ARID3A: variants seen among roughly 807,000 people sequenced by gnomAD.
ARID3A encodes the protein AT-rich interaction domain 3A, also known as AT-rich interactive domain-containing protein 3A.
In ARID3A, 11 loss-of-function variants were observed where a neutral mutation model predicts 52.7. The observed-to-expected ratio is 0.21, with a 90% CI of 0.13 to 0.35. The LOEUF (loss-of-function observed/expected upper bound fraction) is 0.35, where lower values mean the gene tolerates loss of function less well. Ranked by LOEUF, ARID3A falls within the 10% of genes least tolerant of loss-of-function variation. The pLI, the probability that ARID3A is intolerant of heterozygous loss-of-function variation, is 1.00. For missense variants in ARID3A, 721 were observed against 838.5 expected, an observed-to-expected ratio of 0.86 and a Z score of 1.73; for synonymous variants, 404 against 359.4, an observed-to-expected ratio of 1.12 and a Z score of -1.40.
intron 2 of ARID3A, among the ~76,000 whole-genome samples, chr19:932,107 C>G (rs983595805): frequency 6.6e-6 from 1 of 152,108 alleles, no homozygotes; most frequent in African/African-American, 2.4e-5. Flanking sequence ...GGGATCCTCC[C>G]GCCTTGGCCT....
Position 974,483 on chromosome 19 carries a change from C to G in ARID3A, c.*2418C>G, listed in dbSNP as rs935377013. The G allele has an allele frequency of 8.7e-6, 2 of 230,926 alleles. No homozygotes were observed. Among genetic ancestry groups the G allele is most frequent in the African/African-American group, 4.4e-5 (2 of 45,164 alleles). The allele number at this position is 230,926 out of a possible 1,614,324, so 14.3% of individuals were successfully genotyped here. ...CCTCTCCCGGGACCCCCGTCCCACGCCTGGGCCCCGCGCCGGGGGAAGCGC... is the reference window on the plus strand; with the variant it reads ...CCTCTCCCGGGACCCCCGTCCCACGGCTGGGCCCCGCGCCGGGGGAAGCGC... On this transcript the variant is annotated 3_prime_UTR_variant, in exon 9 of 9. Transcript: ENST00000263620.
Position 964,572 on chromosome 19 carries a change from C to T in ARID3A, c.950+141C>T, listed in dbSNP as rs1358514368. On this transcript the variant is annotated intron_variant, in intron 5 of 8. Transcript: ENST00000263620. This position sits in a 1 kb window ranked among gnomAD's most constrained non-coding sequence, Gnocchi z 5.7. ...AGCCGCAAAGGGCACAGGGCCACACCGTGCGTCCAGGGCCCGAGAGCGTCA... is the reference window on the plus strand; with the variant it reads ...AGCCGCAAAGGGCACAGGGCCACACTGTGCGTCCAGGGCCCGAGAGCGTCA... The T allele has an allele frequency of 1.1e-5, 14 of 1,264,338 alleles. No homozygotes were observed. The highest frequency in any genetic ancestry group is 4.6e-5 in the South Asian group (3 of 65,664). The allele number at this position is 1,264,338 out of a possible 1,614,324, so 78.3% of individuals were successfully genotyped here.
intron 3 of ARID3A, among the ~76,000 whole-genome samples, chr19:951,981 TA>T (rs879676780): frequency 9.4e-5 from 14 of 148,712 alleles, no homozygotes; most frequent in Non-Finnish European, 1.6e-4. Flanking sequence ...GCAAAAAATT[TA>T]AAAAAAAAAT....
chr19:926,777 C>T (rs1416580323), intron 1 of ARID3A, among the ~76,000 whole-genome samples: 2 of 151,524 alleles, frequency 1.3e-5, no homozygotes, highest in Non-Finnish European at 2.9e-5. Flanking sequence ...CAAAAGCGGG[C>T]GCAGGAAGCG....
chr19:966,020 G>T (rs566181624), intron 6 of ARID3A, among the ~76,000 whole-genome samples: 1 of 150,898 alleles, frequency 6.6e-6, no homozygotes, highest in South Asian at 2.1e-4. Flanking sequence ...AATTAGCTTA[G>T]TGTGGTGGTG....
At chr19:963,594 C>G (rs1029932672) in intron 4 of ARID3A, among the ~76,000 whole-genome samples, 6 of 152,104 alleles carry the variant, frequency 3.9e-5, no homozygotes, top group Admixed American at 6.5e-5. Flanking sequence ...GGGGCAGGAA[C>G]CTGAGTCAGC....
intron 3 of ARID3A, among the ~76,000 whole-genome samples, chr19:945,814 G>T (rs2037667133): frequency 6.6e-6 from 1 of 152,194 alleles, no homozygotes; most frequent in Non-Finnish European, 1.5e-5. Context: ...TGCTGGTGCT[G>T]GGCTGCGTTT....
chr19:928,073 T>C (rs350143), intron 1 of ARID3A, among the ~76,000 whole-genome samples: 109,955 of 151,752 alleles, frequency 0.72, 39,984 homozygotes, highest in African/African-American at 0.77. Flanking sequence ...GTCCCAGGGG[T>C]CCCTGCCTCC....
Position 932,781 on chromosome 19 carries a change from C to T in ARID3A, c.693+39C>T, listed in dbSNP as rs746828841. On this transcript the variant is annotated intron_variant, in intron 3 of 8. Coordinates refer to ENST00000263620, the MANE Select transcript of ARID3A (RefSeq NM_005224.3). Reference sequence around the variant, plus strand: ...TCCCGCGTGGCGGCTGAGGCACCTGCTCCTGGGCCAGTGGGGCCCTTTGAA... The same window carrying T: ...TCCCGCGTGGCGGCTGAGGCACCTGTTCCTGGGCCAGTGGGGCCCTTTGAA... 7.1e-6 allele frequency: 11 copies of T among 1,545,144 alleles called. No homozygotes were observed. The South Asian group carries it at 1.2e-4, about 17-fold the overall frequency.
rs568574861 is a variant in ARID3A, at chr19:942,829, C to G, written c.693+10087C>G. Among the ~76,000 whole-genome samples, 1 of 152,206 alleles carries G rather than the reference C, an allele frequency of 6.6e-6. No individual in the cohort carries two copies. The highest frequency in any genetic ancestry group is 2.4e-5 in the African/African-American group (1 of 41,456). Reference sequence around the variant, plus strand: ...TGAGAGCAAGTAAGAACCCGCCTTCCGGGAGGAGCCCCGTCTGGATTGGAT... The same window carrying G: ...TGAGAGCAAGTAAGAACCCGCCTTCGGGGAGGAGCCCCGTCTGGATTGGAT... On this transcript the variant is annotated intron_variant, in intron 3 of 8. Transcript: ENST00000263620. This position sits in a 1 kb window ranked among gnomAD's most constrained non-coding sequence, Gnocchi z 8.1.
chr19:967,770 C>T (rs772265507), intron 7 of ARID3A, among the ~76,000 whole-genome samples: 8 of 152,212 alleles, frequency 5.3e-5, no homozygotes, highest in East Asian at 1.9e-4. Flanking sequence ...TTTGGTCGGG[C>T]GCGGTGGCCC....
intron 8 of ARID3A, among the ~76,000 whole-genome samples, chr19:969,889 C>T (rs1014671636): frequency 1.3e-5 from 2 of 151,736 alleles, no homozygotes; most frequent in African/African-American, 4.8e-5. Flanking sequence ...GATGAGGTTT[C>T]ACCATGTTGG....
chr19:956,149 G>C (rs2037912212), intron 3 of ARID3A, among the ~76,000 whole-genome samples: 1 of 152,168 alleles, frequency 6.6e-6, no homozygotes. Context: ...TGTGAATTTG[G>C]GTGGGGGATG....
chr19:944,325 G>GGGGTGTGTGT lies in ARID3A; in HGVS notation c.693+11584_693+11585insGGTGTGTGTG, dbSNP rs1555727927. Among the ~76,000 whole-genome samples, 547 of 149,832 alleles carry GGGGTGTGTGT rather than the reference G, an allele frequency of 3.7e-3. 5 individuals carry two copies. Among genetic ancestry groups the GGGGTGTGTGT allele is most frequent in the Middle Eastern group, 0.024 (7 of 288 alleles). On this transcript the variant is annotated intron_variant, in intron 3 of 8. Transcript: ENST00000263620. The surrounding 1 kb of genome is among the most constrained non-coding windows in gnomAD (Gnocchi z 5.9). ...TCTGGCTGCAGGGGCGCGTCCAGGGGGTGTGTGTGTGTGTGTGTGTGTGTC... is the reference window on the plus strand; with the variant it reads ...TCTGGCTGCAGGGGCGCGTCCAGGGGGGGTGTGTGTGTGTGTGTGTGTGTGTGTGTGTGTC...
intron 3 of ARID3A, among the ~76,000 whole-genome samples, 171 bp downstream of exon 3, chr19:932,913 C>CAGCT (rs2145357413): frequency 6.6e-6 from 1 of 152,292 alleles, no homozygotes; most frequent in Non-Finnish European, 1.5e-5. Flanking sequence ...TGGGCTCGAC[C>CAGCT]AGCTGGCTGT....
chr19:929,543 C>A lies in ARID3A; in HGVS notation c.15C>A (p.Ala5=). 1 of 1,519,820 alleles carries A rather than the reference C, an allele frequency of 6.6e-7. No homozygotes were observed. The highest frequency in any genetic ancestry group is 8.8e-7 in the Non-Finnish European group (1 of 1,140,202). 94.1% of individuals were successfully genotyped at this position (1,519,820 alleles called of 1,614,324 possible). A position where few individuals can be genotyped will look rare whatever the true frequency, so the allele number is the denominator to read the frequency against. ...GCCGCAGGGCCATGAAACTACAGGC[C>A]GTGATGGAGACGCTGTTGCAGCGGC... is the stretch of plus-strand genomic sequence containing the variant. MKLQ[A]VMETLLQRQQ... Residue 5 remains alanine (A), a synonymous_variant, in exon 2 of 9, where the codon GCC becomes GCA. Coordinates refer to ENST00000263620, the MANE Select transcript of ARID3A (RefSeq NM_005224.3). This position sits in a 1 kb window ranked among gnomAD's most constrained non-coding sequence, Gnocchi z 6.2.
intron 4 of ARID3A, among the ~76,000 whole-genome samples, chr19:962,727 C>T (rs1374739956): frequency 1.3e-5 from 2 of 151,980 alleles, no homozygotes; most frequent in African/African-American, 4.8e-5. Context: ...ATTGGCCAGG[C>T]TGGTCTCGAA....
intron 2 of ARID3A, among the ~76,000 whole-genome samples, chr19:931,822 A>G (rs1216280302): frequency 6.8e-6 from 1 of 147,254 alleles, no homozygotes; most frequent in Non-Finnish European, 1.5e-5. Context: ...CAAAAAAAAG[A>G]CAAAAAAAAA....
rs761028250 is a variant in ARID3A at position 932,496 on chromosome 19, TGAGGAG to T, written c.459_464del (p.Glu153_Glu154del). On this transcript the variant is annotated inframe_deletion, in exon 3 of 9. Coordinates refer to ENST00000263620, the MANE Select transcript of ARID3A (RefSeq NM_005224.3). ...AGGAGGAGGAGGAGGATTACGAGGATGAGGAGGAGGAGGAGGACGAGGAGGGGCTGG... is the reference window on the plus strand; with the variant it reads ...AGGAGGAGGAGGAGGATTACGAGGATGAGGAGGAGGACGAGGAGGGGCTGG... The T allele has an allele frequency of 4.5e-6, 7 of 1,541,908 alleles. No individual in the cohort carries two copies. In the Admixed American group the frequency reaches 6.5e-5, roughly 14 times the overall value.
Sources: allele counts gnomAD v4.1 joint callset (sites outside exome capture counted in the v4.1 genomes callset), GRCh38; gene constraint gnomAD v4.1.1; non-coding constraint Gnocchi (gnomAD v3.1); transcripts MANE v1.5; gene names NCBI Gene and HGNC (gene_info 2026-07-23, HGNC 2026-07-21).